The following GRID2 variants were observed in gnomAD, a reference collection of about 807,000 sequenced individuals.
GRID2 encodes glutamate ionotropic receptor delta type subunit 2, also known as glutamate receptor ionotropic, delta-2.
Under a neutral mutation model 114.8 loss-of-function variants are expected in GRID2, and 33 were observed. That is an observed-to-expected ratio of 0.29 (90% CI 0.22 to 0.38). The LOEUF (loss-of-function observed/expected upper bound fraction) is 0.38, where lower values mean the gene tolerates loss of function less well. GRID2 is among the 10% of genes least tolerant of loss of function. GRID2 has a pLI of 1.00. For synonymous variants in GRID2, 505 were observed against 449.9 expected (o/e 1.12, Z -1.55); for missense variants, 1,184 against 1,257.7 (o/e 0.94, Z 0.89).
At chr4:93,573,471 A>G (rs1578291819) in intron 13 of GRID2, among the ~76,000 whole-genome samples, 1 of 152,166 alleles carries the variant, frequency 6.6e-6, no homozygotes, top group Non-Finnish European at 1.5e-5. Context: ...GGTGCTTTCA[A>G]TAATTTGGAC....
At chr4:93,285,897 C>G (rs1227653082) in intron 8 of GRID2, among the ~76,000 whole-genome samples, 4 of 151,884 alleles carry the variant, frequency 2.6e-5, no homozygotes, top group Admixed American at 1.3e-4. Flanking sequence ...ATTTGATCTA[C>G]AAAGACATCT....
At chr4:93,394,905 A>C (rs1338911705) in intron 8 of GRID2, among the ~76,000 whole-genome samples, 3 of 151,982 alleles carry the variant, frequency 2.0e-5, no homozygotes, top group Non-Finnish European at 4.4e-5. Flanking sequence ...ATAGACAGTA[A>C]TTTAAAAACT....
chr4:93,683,258 A>G (rs1260099635), intron 14 of GRID2, among the ~76,000 whole-genome samples: 1 of 152,008 alleles, frequency 6.6e-6, no homozygotes, highest in African/African-American at 2.4e-5. Flanking sequence ...TTACATCACA[A>G]GAGTCTGTGT....
At chr4:93,261,337 G>T (rs1356232212) in intron 8 of GRID2, among the ~76,000 whole-genome samples, 1 of 151,826 alleles carries the variant, frequency 6.6e-6, no homozygotes, top group African/African-American at 2.4e-5. Flanking sequence ...CATACAATGT[G>T]ATCCTTGCAC....
chr4:92,641,053 A>C (rs1731321699), intron 2 of GRID2, among the ~76,000 whole-genome samples: 1 of 151,782 alleles, frequency 6.6e-6, no homozygotes, highest in Non-Finnish European at 1.5e-5. Flanking sequence ...AAACTTGTCA[A>C]ATATTTCATA....
chr4:93,665,595 C>T (rs1381287879), intron 14 of GRID2, among the ~76,000 whole-genome samples: 4 of 152,140 alleles, frequency 2.6e-5, no homozygotes, highest in African/African-American at 7.2e-5. Context: ...TTGTACACTT[C>T]GCACCTGAGT....
chr4:93,588,539 A>T lies in GRID2; in HGVS notation c.2194-37730A>T, dbSNP rs563796236. ...TATTCAAGGGAGAAGGCAAACAGAA[A>T]ATGCATCAAATCTCAGTATTATTGT... On this transcript the variant is annotated intron_variant, in intron 13 of 15. Transcript: ENST00000282020. Among the ~76,000 whole-genome samples, 107 of 152,228 alleles carry T rather than the reference A, an allele frequency of 7.0e-4. No individual in the cohort carries two copies. In the Middle Eastern group the frequency reaches 0.01, roughly 15 times the overall value.
At position 93,648,856 on chromosome 4, in the gene GRID2, T is replaced by G. The variant is rs1360144453; in HGVS notation, c.2360+22421T>G. 4.8e-5 allele frequency among the ~76,000 whole-genome samples: 5 copies of G among 103,600 alleles called. No homozygotes were observed. The South Asian group carries it at 1.5e-3, about 31-fold the overall frequency. 68.0% of individuals were successfully genotyped at this position (103,600 alleles called of 152,430 possible). A position where few individuals can be genotyped will look rare whatever the true frequency, so the allele number is the denominator to read the frequency against. ...TCTTTATTCTCTTTTTTTTACCATG[T>G]TTTTTGGATTTCATATGCAAACACA... On this transcript the variant is annotated intron_variant, in intron 14 of 15. Transcript: ENST00000282020.
chr4:92,536,061 A>G (rs986150543), intron 1 of GRID2, among the ~76,000 whole-genome samples: 1 of 152,182 alleles, frequency 6.6e-6, no homozygotes, highest in African/African-American at 2.4e-5. Context: ...CATTGCAAAG[A>G]GCAAAAGAAC....
At chr4:93,205,311 A>G (rs924704847) in intron 4 of GRID2, among the ~76,000 whole-genome samples, 2 of 152,044 alleles carry the variant, frequency 1.3e-5, no homozygotes, top group African/African-American at 4.8e-5. Context: ...ATATATTTCA[A>G]AAATGATAAT....
intron 13 of GRID2, among the ~76,000 whole-genome samples, chr4:93,616,681 A>G (rs970814942): frequency 6.0e-5 from 9 of 150,992 alleles, no homozygotes; most frequent in African/African-American, 2.2e-4. Flanking sequence ...TGCAATGTCT[A>G]TAGAATATGC....
chr4:92,445,874 C>G (rs556667957), intron 1 of GRID2, among the ~76,000 whole-genome samples: 1 of 152,194 alleles, frequency 6.6e-6, no homozygotes, highest in Non-Finnish European at 1.5e-5. Context: ...GCTTTAATGT[C>G]ACTGTGAACA....
At chr4:92,592,839 G>C (rs1003031728) in intron 2 of GRID2, among the ~76,000 whole-genome samples, 3 of 149,880 alleles carry the variant, frequency 2.0e-5, no homozygotes, top group Admixed American at 6.7e-5. Context: ...TTTGTAAAAC[G>C]GTGGCTTGAA....
At chr4:93,203,719 A>T (rs141825587) in intron 4 of GRID2, among the ~76,000 whole-genome samples, 1 of 152,200 alleles carries the variant, frequency 6.6e-6, no homozygotes, top group African/African-American at 2.4e-5. Context: ...ATATTCTACT[A>T]CTAAAGATTT....
chr4:92,971,281 G>A (rs969217336), intron 2 of GRID2, among the ~76,000 whole-genome samples: 15 of 151,794 alleles, frequency 9.9e-5, no homozygotes, highest in South Asian at 8.3e-4. Flanking sequence ...GGAAGAGCAG[G>A]GACATAGGCA....
At chr4:92,915,753 C>T (rs1332768210) in intron 2 of GRID2, among the ~76,000 whole-genome samples, 1 of 152,044 alleles carries the variant, frequency 6.6e-6, no homozygotes, top group Admixed American at 6.6e-5. Context: ...TTAATAGTAG[C>T]CATTCTGTCT....
intron 1 of GRID2, among the ~76,000 whole-genome samples, chr4:93,780,507 T>C (rs1201148420): frequency 6.6e-6 from 1 of 152,230 alleles, no homozygotes; most frequent in Admixed American, 6.5e-5. Context: ...TGGAGTGTTT[T>C]GAACAAAGTA....
chr4:93,470,921 ATG>A (rs1213813051), intron 11 of GRID2, among the ~76,000 whole-genome samples: 2 of 89,374 alleles, frequency 2.2e-5, no homozygotes, highest in Non-Finnish European at 6.7e-5. Context: ...ATATTGTAAA[ATG>A]TGGCTCATTC....
At chr4:92,937,012 T>C (rs113758200) in intron 2 of GRID2, among the ~76,000 whole-genome samples, 3,640 of 146,422 alleles carry the variant, frequency 0.025, 302 homozygotes, top group East Asian at 0.068. Context: ...AAGTCCTTGG[T>C]CCACTTTTTA....
Sources: gnomAD v4.1 joint callset for allele counts (sites outside exome capture counted in the v4.1 genomes callset) on GRCh38, gnomAD v4.1.1 for gene constraint, MANE v1.5 for transcripts, NCBI Gene and HGNC (gene_info 2026-07-23, HGNC 2026-07-21) for gene names.